Variants in PHTF2 observed in about 807,000 individuals in gnomAD.
PHTF2 encodes putative homeodomain transcription factor 2, also known as protein PHTF2.
Under a neutral mutation model 101.2 loss-of-function variants are expected in PHTF2, and 60 were observed. That is an observed-to-expected ratio of 0.59 (90% CI 0.48 to 0.73). The LOEUF is 0.73. Ranked by LOEUF, PHTF2 falls within the 30% of genes least tolerant of loss-of-function variation. The pLI, the probability that PHTF2 is intolerant of heterozygous loss-of-function variation, is 0.00. For synonymous variants in PHTF2, 311 were observed against 307.3 expected, an observed-to-expected ratio of 1.01 and a Z score of -0.13; for missense variants, 747 against 908.7, an observed-to-expected ratio of 0.82 and a Z score of 2.29.
chr7:77,935,426 C>T (rs1436990823), intron 12 of PHTF2, among the ~76,000 whole-genome samples: 2 of 151,976 alleles, frequency 1.3e-5, no homozygotes, highest in Non-Finnish European at 2.9e-5. Flanking sequence ...GGGGTTTCAC[C>T]GTGTTAGCCA....
intron 1 of PHTF2, among the ~76,000 whole-genome samples, chr7:77,834,970 T>A (rs1238871486): frequency 6.6e-6 from 1 of 152,174 alleles, no homozygotes; most frequent in Admixed American, 6.5e-5. Context: ...GCTTCAGCAT[T>A]TTTTAGTCCA....
intron 2 of PHTF2, among the ~76,000 whole-genome samples, chr7:77,841,480 T>C: frequency 6.6e-6 from 1 of 152,166 alleles, no homozygotes; most frequent in South Asian, 2.1e-4. Flanking sequence ...AAAAATATTT[T>C]TTGAGACAGG....
At chr7:77,808,903 T>C (rs1304650992) in intron 1 of PHTF2, among the ~76,000 whole-genome samples, 1 of 152,198 alleles carries the variant, frequency 6.6e-6, no homozygotes, top group Non-Finnish European at 1.5e-5. Flanking sequence ...TTTTTCTAAC[T>C]TTTTAGTTTT....
intron 1 of PHTF2, among the ~76,000 whole-genome samples, chr7:77,815,998 A>T (rs1404956169): frequency 1.3e-5 from 2 of 152,128 alleles, no homozygotes; most frequent in African/African-American, 4.8e-5. Context: ...GTAAGGTAGT[A>T]AAGTTAGATG....
At chr7:77,856,230 A>G (rs959434312) in intron 3 of PHTF2, among the ~76,000 whole-genome samples, 4 of 152,192 alleles carry the variant, frequency 2.6e-5, no homozygotes, top group Admixed American at 1.3e-4. Flanking sequence ...ATAAAAATAA[A>G]TGTTTAAGTG....
intron 5 of PHTF2, chr7:77,895,156 T>C (rs1034387538): frequency 1.1e-5 from 5 of 456,116 alleles, no homozygotes; most frequent in Non-Finnish European, 2.2e-5. Context: ...GGGAGGGACA[T>C]TTGAGAGTTC....
chr7:77,942,680 C>G lies in PHTF2; in HGVS notation c.1873-20C>G. On this transcript the variant is annotated intron_variant, in intron 15 of 19. Transcript: ENST00000416283. ...TATTTTAAAATGTTTCCTTTTCTCC[C>G]TTCCACCCACACCCTGCAGCGTCGA... 4 of 1,453,616 alleles carry G rather than the reference C, an allele frequency of 2.8e-6. No individual in the cohort carries two copies. The highest frequency in any genetic ancestry group is 3.8e-6 in the Non-Finnish European group (4 of 1,053,706). 90.0% of individuals were successfully genotyped at this position (1,453,616 alleles called of 1,614,324 possible).
chr7:77,825,694 C>T (rs1361407087), intron 1 of PHTF2, among the ~76,000 whole-genome samples: 5 of 152,040 alleles, frequency 3.3e-5, no homozygotes, highest in South Asian at 2.1e-4. Context: ...TGCATAAAGA[C>T]GTGTACACAA....
intron 13 of PHTF2, among the ~76,000 whole-genome samples, chr7:77,939,038 C>T (rs1805405320): frequency 6.6e-6 from 1 of 152,022 alleles, no homozygotes; most frequent in Admixed American, 6.6e-5. Flanking sequence ...AACTTAATTA[C>T]CTGTGAATTG....
At chr7:77,817,657 A>T (rs755794466) in intron 1 of PHTF2, among the ~76,000 whole-genome samples, 1 of 152,208 alleles carries the variant, frequency 6.6e-6, no homozygotes, top group Non-Finnish European at 1.5e-5. Context: ...ACAATTTAAG[A>T]TGAGATTTGG....
At chr7:77,834,724 G>T (rs1795320199) in intron 1 of PHTF2, among the ~76,000 whole-genome samples, 1 of 152,200 alleles carries the variant, frequency 6.6e-6, no homozygotes, top group South Asian at 2.1e-4. Flanking sequence ...CTTAGTATCA[G>T]AACTTGGATC....
chr7:77,879,644 G>C (rs1799243446), intron 3 of PHTF2, among the ~76,000 whole-genome samples: 1 of 151,740 alleles, frequency 6.6e-6, no homozygotes, highest in Admixed American at 6.6e-5. Flanking sequence ...TTTTTTTCCT[G>C]ATGTCCAAGA....
At chr7:77,803,688 C>CGTGCGT (rs1425923321) in intron 1 of PHTF2, among the ~76,000 whole-genome samples, 1 of 140,862 alleles carries the variant, frequency 7.1e-6, no homozygotes, top group Non-Finnish European at 1.6e-5. Flanking sequence ...GTTGAACAGG[C>CGTGCGT]GTGTGTGTGT....
chr7:77,952,470 A>C (rs1045569982), intron 18 of PHTF2, among the ~76,000 whole-genome samples: 1 of 152,196 alleles, frequency 6.6e-6, no homozygotes, highest in Admixed American at 6.5e-5. Context: ...GGGATAATAA[A>C]AAGCAATTAC....
At chr7:77,935,277 C>T (rs1213848973) in intron 12 of PHTF2, among the ~76,000 whole-genome samples, 1 of 124,680 alleles carries the variant, frequency 8.0e-6, no homozygotes, top group East Asian at 2.7e-4. Flanking sequence ...GGCTGGAGTG[C>T]AGTGGCGCGA....
rs368157181 is a variant in PHTF2, at chr7:77,920,413, G to A, written c.911G>A (p.Arg304Gln). 25 of 1,613,406 alleles carry A rather than the reference G, an allele frequency of 1.5e-5. No individual in the cohort carries two copies. The highest frequency in any genetic ancestry group is 2.0e-5 in the Non-Finnish European group (24 of 1,179,634). The change falls in exon 10 of 20, where the codon CGA (arginine) becomes CAA (glutamine). Residue 304 changes from arginine (R) to glutamine (Q), a missense_variant. By Grantham distance (43) the Arg-to-Gln change is conservative (BLOSUM62 1). Transcript: ENST00000416283. Reference sequence around the variant, plus strand: ...CATGAACCTCAGTGTGAAACTATTCGACCAGAAGAGACAGCCTGGAACACA... The same window carrying A: ...CATGAACCTCAGTGTGAAACTATTCAACCAGAAGAGACAGCCTGGAACACA...
chr7:77,910,038 C>G, intron 8 of PHTF2: 3 of 431,934 alleles, frequency 6.9e-6, no homozygotes, highest in Non-Finnish European at 1.2e-5. Flanking sequence ...CCACTATAAG[C>G]AAGGACCAAT....
exon 6 of PHTF2, chr7:77,900,728 A>G (rs1169990260): frequency 1.3e-6 from 2 of 1,567,974 alleles, no homozygotes. Context: ...GGAATAAACC[A>G]AAGAAAACAG....
chr7:77,832,469 T>C (rs1159492053), intron 1 of PHTF2, among the ~76,000 whole-genome samples: 1 of 152,194 alleles, frequency 6.6e-6, no homozygotes. Context: ...GATCAACTGC[T>C]TAAGGTCACA....
Sources: allele counts gnomAD v4.1 joint callset (sites outside exome capture counted in the v4.1 genomes callset), GRCh38; gene constraint gnomAD v4.1.1; transcripts MANE v1.5; gene names NCBI Gene and HGNC (gene_info 2026-07-23, HGNC 2026-07-21).